The following PTPRZ1 variants were observed in gnomAD, a reference collection of about 807,000 sequenced individuals.
PTPRZ1 encodes receptor-type tyrosine-protein phosphatase zeta.
A neutral mutation model predicts 214.1 loss-of-function variants in PTPRZ1; 82 were observed. The ratio of observed to expected loss-of-function variants is 0.38; its 90% CI spans 0.32 to 0.46. The LOEUF (loss-of-function observed/expected upper bound fraction) is 0.46, where lower values mean the gene tolerates loss of function less well. Ranked by LOEUF, PTPRZ1 falls within the 20% of genes least tolerant of loss-of-function variation. The pLI, the probability that PTPRZ1 is intolerant of heterozygous loss-of-function variation, is 1.00. For synonymous variants in PTPRZ1, 945 were observed against 987.9 expected (o/e 0.96, Z 0.81); for missense variants, 2,603 against 2,748.7 (o/e 0.95, Z 1.19).
rs149078351 is a variant in PTPRZ1 at position 122,053,312 on chromosome 7, GC to G, written c.6253-597del. ...GAGAGGTATTTACTATGGCATATCT[GC>G]AAAGTCCATGTAGGTGTGAGGGTCA... On this transcript the variant is annotated intron_variant, in intron 25 of 29. Transcript: ENST00000393386. Among the ~76,000 whole-genome samples the G allele has an allele frequency of 1.4e-3, 210 of 152,246 alleles. 1 individual carries two copies. Among genetic ancestry groups the G allele is most frequent in the African/African-American group, 4.9e-3 (204 of 41,548 alleles).
rs2116659548 is a variant in PTPRZ1, at chr7:122,012,010, T to C, written c.2964T>C (p.His988=). ...CTGCATCATTACTGCAGCCTACTCATGCCCTCTCTGGTGATGGGGAATGGT... is the reference window on the plus strand; with the variant it reads ...CTGCATCATTACTGCAGCCTACTCACGCCCTCTCTGGTGATGGGGAATGGT... ...TPTASLLQPT[H]ALSGDGEWSG... is the part of the protein sequence containing the mutation. Residue 988 remains histidine (H), a synonymous_variant, in exon 12 of 30, where the codon CAT becomes CAC. Transcript: ENST00000393386. 1 of 1,614,228 alleles carries C rather than the reference T, an allele frequency of 6.2e-7. No homozygotes were observed. The highest frequency in any genetic ancestry group is 2.2e-5 in the East Asian group (1 of 44,886).
chr7:121,886,140 C>T (rs1794388722), intron 1 of PTPRZ1, among the ~76,000 whole-genome samples: 1 of 152,052 alleles, frequency 6.6e-6, no homozygotes, highest in Admixed American at 6.6e-5. Context: ...GAAAATAGGT[C>T]ATCAAGAAAA....
At chr7:122,017,852 A>G (rs559899710) in intron 12 of PTPRZ1, among the ~76,000 whole-genome samples, 4 of 152,118 alleles carry the variant, frequency 2.6e-5, no homozygotes, top group African/African-American at 9.6e-5. Flanking sequence ...GATTACAGGC[A>G]TGAGCCACCA....
At chr7:122,059,503 T>C (rs1208271562) in intron 28 of PTPRZ1, 2 of 350,378 alleles carry the variant, frequency 5.7e-6, no homozygotes, top group Non-Finnish European at 1.0e-5. Context: ...ACTCCTTTCA[T>C]AGTATACAAA....
At chr7:122,034,624 C>A (rs1325342207) in intron 17 of PTPRZ1, among the ~76,000 whole-genome samples, 1 of 152,072 alleles carries the variant, frequency 6.6e-6, no homozygotes, top group Non-Finnish European at 1.5e-5. Context: ...CCAATTCTTT[C>A]TTTTGTTCTT....
intron 2 of PTPRZ1, among the ~76,000 whole-genome samples, chr7:121,932,323 T>G (rs1009481448): frequency 6.6e-6 from 1 of 152,234 alleles, no homozygotes; most frequent in East Asian, 1.9e-4. Context: ...AGTTTGGTAG[T>G]ATTTTTTAAT....
chr7:121,921,916 A>T (rs754527506), intron 1 of PTPRZ1, among the ~76,000 whole-genome samples: 1 of 152,200 alleles, frequency 6.6e-6, no homozygotes, highest in African/African-American at 2.4e-5. Flanking sequence ...TAGCTAAATT[A>T]GGTTTCATAA....
intron 2 of PTPRZ1, among the ~76,000 whole-genome samples, chr7:121,944,656 T>TA (rs3069081): frequency 2.0e-5 from 3 of 151,556 alleles, no homozygotes; most frequent in Non-Finnish European, 4.4e-5. Flanking sequence ...ATTTTTTTTT[T>TA]AAAGACAGTC....
intron 1 of PTPRZ1, among the ~76,000 whole-genome samples, chr7:121,924,308 A>G (rs1795689507): frequency 6.6e-6 from 1 of 152,196 alleles, no homozygotes; most frequent in African/African-American, 2.4e-5. Flanking sequence ...TTCAAAGTAT[A>G]TAATGCAACA....
rs58135453 is a variant in PTPRZ1, at chr7:121,891,451, C to CTTTTTTTTTTTTT, written c.58+17912_58+17924dup. On this transcript the variant is annotated intron_variant, in intron 1 of 29. Transcript: ENST00000393386. The stretch of plus-strand genomic sequence containing the variant: ...AAATATTTGTTGAATAAAACAACCT[C>CTTTTTTTTTTTTT]TTTTTTTTTTTTTTTTTTTTTTTTT... 5.8e-3 allele frequency among the ~76,000 whole-genome samples: 209 copies of CTTTTTTTTTTTTT among 35,732 alleles called. 11 individuals are homozygous for CTTTTTTTTTTTTT. The highest frequency in any genetic ancestry group is 7.5e-3 in the Non-Finnish European group (146 of 19,354). The allele number at this position is 35,732 out of a possible 152,430, so 23.4% of individuals were successfully genotyped here.
At chr7:122,046,706 G>C (rs937020211) in intron 23 of PTPRZ1, among the ~76,000 whole-genome samples, 1 of 152,010 alleles carries the variant, frequency 6.6e-6, no homozygotes, top group Non-Finnish European at 1.5e-5. Flanking sequence ...ATGCTTGAGA[G>C]GTGTGGTGAG....
intron 24 of PTPRZ1, 94 bp downstream of exon 24, chr7:122,051,615 G>A (rs1354728663): frequency 2.9e-6 from 3 of 1,032,530 alleles, no homozygotes; most frequent in African/African-American, 3.2e-5. Context: ...TGGAGCAAAT[G>A]GAGCACATTC....
chr7:122,012,520 T>A lies in PTPRZ1; in HGVS notation c.3474T>A (p.Ser1158Arg). The A allele has an allele frequency of 6.2e-7, 1 of 1,614,094 alleles. No homozygotes were observed. Among genetic ancestry groups the A allele is most frequent in the East Asian group, 2.2e-5 (1 of 44,884 alleles). Residue 1158 changes from serine (S) to arginine (R), a missense_variant, in exon 12 of 30, where the codon AGT (serine) becomes AGA (arginine). This residue lies in a region of PTPRZ1 where 1,913 missense variants were observed against 1,914.3 expected (regional missense o/e 1.00). Coordinates refer to ENST00000393386, the MANE Select transcript of PTPRZ1 (RefSeq NM_002851.3). ...SEPASSDPAS[S>R]EMLSPSTQLL... ...CAGCATCCTCTGACCCTGCTTCTAG[T>A]GAAATGTTATCTCCTTCAACTCAGC...
intron 2 of PTPRZ1, among the ~76,000 whole-genome samples, chr7:121,944,248 T>TA (rs1404495366): frequency 6.6e-6 from 1 of 152,154 alleles, no homozygotes; most frequent in African/African-American, 2.4e-5. Flanking sequence ...TCCCTAGCAA[T>TA]TTCCAAGGAA....
At chr7:121,948,435 G>A (rs2116447079) in intron 2 of PTPRZ1, among the ~76,000 whole-genome samples, 1 of 152,272 alleles carries the variant, frequency 6.6e-6, no homozygotes, top group South Asian at 2.1e-4. Flanking sequence ...GGGCAATGCA[G>A]TGAAACCCCA....
rs1006506979 is a variant in PTPRZ1, at chr7:122,034,184, G to A, written c.5187+69G>A. ...TTGTAACTTTTAAAAAATTTCATTT[G>A]ATAGATTATTTTGTTTGTTTTGTCT... On this transcript the variant is annotated intron_variant, in intron 16 of 29. Transcript: ENST00000393386. The A allele has an allele frequency of 5.1e-6, 8 of 1,563,866 alleles. No homozygotes were observed. The Admixed American group carries it at 1.4e-4, about 27-fold the overall frequency.
intron 1 of PTPRZ1, among the ~76,000 whole-genome samples, chr7:121,923,744 G>A (rs1795671215): frequency 6.6e-6 from 1 of 151,606 alleles, no homozygotes; most frequent in Non-Finnish European, 1.5e-5. Context: ...TCCTTGATAG[G>A]GAGTTATCAA....
At chr7:122,049,948 A>G (rs1029624569) in intron 23 of PTPRZ1, among the ~76,000 whole-genome samples, 2 of 152,192 alleles carry the variant, frequency 1.3e-5, no homozygotes, top group Non-Finnish European at 2.9e-5. Context: ...ATTTGAGGAA[A>G]TCTGTTATGT....
rs891095356 is a variant in PTPRZ1, at chr7:121,949,811, T to C, written c.125-18140T>C. Among the ~76,000 whole-genome samples, 5 of 152,268 alleles carry C rather than the reference T, an allele frequency of 3.3e-5. No individual in the cohort carries two copies. The South Asian group carries it at 8.3e-4, about 25-fold the overall frequency. On this transcript the variant is annotated intron_variant, in intron 2 of 29. Transcript: ENST00000393386. ...AAATATAAAAGCTACAGAAACCTAC[T>C]TTGATAGAGGAAATATTTTTTTTCA...
Sources: gnomAD v4.1 joint callset for allele counts (sites outside exome capture counted in the v4.1 genomes callset) on GRCh38, gnomAD v4.1.1 for gene constraint, gnomAD v4.1.1 regional missense constraint, MANE v1.5 for transcripts, NCBI Gene and HGNC (gene_info 2026-07-23, HGNC 2026-07-21) for gene names.